Variants in PARD3 observed in about 807,000 individuals in gnomAD.
PARD3 encodes partitioning defective 3 homolog.
Under a neutral mutation model 155.4 loss-of-function variants are expected in PARD3, and 75 were observed. The ratio of observed to expected loss-of-function variants is 0.48; its 90% CI spans 0.40 to 0.58. PARD3 has a LOEUF of 0.58. Ranked by LOEUF, PARD3 falls within the 20% of genes least tolerant of loss-of-function variation. The probability of loss-of-function intolerance (pLI) is 0.00; values close to 1 mark genes in which losing one functional copy is unlikely to be tolerated. For missense variants in PARD3, 1,642 were observed against 1,721.7 expected (o/e 0.95, Z 0.82); for synonymous variants, 576 against 610.5 (o/e 0.94, Z 0.83).
At chr10:34,639,895 A>C (rs1174976942) in intron 2 of PARD3, among the ~76,000 whole-genome samples, 2 of 152,144 alleles carry the variant, frequency 1.3e-5, no homozygotes. Context: ...ACAGTAAAAG[A>C]GCAGATACCT....
At chr10:34,730,006 C>T (rs1468096610) in intron 1 of PARD3, among the ~76,000 whole-genome samples, 1 of 152,080 alleles carries the variant, frequency 6.6e-6, no homozygotes, top group Non-Finnish European at 1.5e-5. Flanking sequence ...GGTTTTATAG[C>T]CTGAACCAGA....
intron 1 of PARD3, among the ~76,000 whole-genome samples, chr10:34,773,142 T>G (rs550636336): frequency 6.6e-6 from 1 of 152,168 alleles, no homozygotes; most frequent in Non-Finnish European, 1.5e-5. Flanking sequence ...TCTCTTTACT[T>G]TGATGAGGAA....
chr10:34,137,095 C>CT (rs1164298165), intron 22 of PARD3, among the ~76,000 whole-genome samples: 2 of 152,090 alleles, frequency 1.3e-5, no homozygotes, highest in African/African-American at 2.4e-5. Context: ...CCCACACTTG[C>CT]TTTTTTTAAG....
intron 5 of PARD3, among the ~76,000 whole-genome samples, chr10:34,409,669 A>G (rs1844853150): frequency 6.6e-6 from 1 of 152,196 alleles, no homozygotes; most frequent in Non-Finnish European, 1.5e-5. Flanking sequence ...CTAGTGACCA[A>G]GTGGCCACCC....
chr10:34,551,810 G>C (rs1275911352), intron 2 of PARD3, among the ~76,000 whole-genome samples: 1 of 152,140 alleles, frequency 6.6e-6, no homozygotes, highest in African/African-American at 2.4e-5. Context: ...GCAGAGCATT[G>C]GATGACACCA....
intron 1 of PARD3, among the ~76,000 whole-genome samples, chr10:34,790,299 A>G (rs573441744): frequency 5.9e-5 from 9 of 152,192 alleles, no homozygotes; most frequent in South Asian, 2.1e-4. Flanking sequence ...TAATTTACCA[A>G]TCAGTCTGAT....
At chr10:34,147,893 G>A (rs886377168) in intron 22 of PARD3, among the ~76,000 whole-genome samples, 1 of 152,038 alleles carries the variant, frequency 6.6e-6, no homozygotes, top group East Asian at 1.9e-4. Flanking sequence ...AAGGAAGGGG[G>A]CAGTGCCAGC....
intron 5 of PARD3, among the ~76,000 whole-genome samples, chr10:34,420,947 C>G (rs2253179): frequency 0.86 from 130,430 of 152,208 alleles, 56,374 homozygotes; most frequent in African/African-American, 0.97. Context: ...AGGCCAAGGT[C>G]GGGGGGATTG....
intron 1 of PARD3, among the ~76,000 whole-genome samples, chr10:34,770,813 C>G (rs2134090664): frequency 6.6e-6 from 1 of 152,328 alleles, no homozygotes; most frequent in Admixed American, 6.5e-5. Flanking sequence ...AGACTCCAGA[C>G]AGGGATGTGC....
Position 34,674,001 on chromosome 10 carries a change from A to C in PARD3, c.222+22317T>G, listed in dbSNP as rs1318341961. Among the ~76,000 whole-genome samples the C allele has an allele frequency of 5.9e-5, 9 of 151,568 alleles. 1 individual carries two copies. Among genetic ancestry groups the C allele is most frequent in the Admixed American group, 5.9e-4 (9 of 15,186 alleles). On this transcript the variant is annotated intron_variant, in intron 2 of 24. Transcript: ENST00000374788. ...GTCTGCATCAAAAAAAAAAAAACAAACAAACAGGAGGAGAGTTCTAATTCC... is the reference window on the plus strand; with the variant it reads ...GTCTGCATCAAAAAAAAAAAAACAACCAAACAGGAGGAGAGTTCTAATTCC...
At chr10:34,540,662 T>G (rs1172562225) in intron 2 of PARD3, among the ~76,000 whole-genome samples, 1 of 152,052 alleles carries the variant, frequency 6.6e-6, no homozygotes, top group African/African-American at 2.4e-5. Flanking sequence ...TTGCCTGTAG[T>G]CTCAACTAGT....
chr10:34,403,335 G>C (rs183409046), intron 5 of PARD3, among the ~76,000 whole-genome samples: 1 of 152,118 alleles, frequency 6.6e-6, no homozygotes, highest in Admixed American at 6.6e-5. Context: ...ATCTATATTA[G>C]GACAGGAAGT....
rs1481833298 is a variant in PARD3, at chr10:34,261,821, GAAAGAAACAAAC to G, written c.3419+7824_3419+7835del. On this transcript the variant is annotated intron_variant, in intron 22 of 24. Coordinates refer to ENST00000374788, the MANE Select transcript of PARD3 (RefSeq NM_001184785.2). ...AGAAAGAAAGAAAGAAAGAAAGAAAGAAAGAAACAAACAAACAAACAAACACACACACACTGG... is the reference window on the plus strand; with the variant it reads ...AGAAAGAAAGAAAGAAAGAAAGAAAGAAACAAACAAACACACACACACTGG... Among the ~76,000 whole-genome samples the G allele has an allele frequency of 1.7e-4, 18 of 102,876 alleles. 1 individual carries two copies. The East Asian group carries it at 4.6e-3, about 26-fold the overall frequency. The allele number at this position is 102,876 out of a possible 152,430, so 67.5% of individuals were successfully genotyped here.
At chr10:34,402,011 A>C in intron 5 of PARD3, 94 bp from the exon 6 acceptor site, 1 of 949,794 alleles carries the variant, frequency 1.1e-6, no homozygotes, top group Non-Finnish European at 1.7e-6. Flanking sequence ...TCTAATAGGC[A>C]TTATGATCTT....
intron 22 of PARD3, among the ~76,000 whole-genome samples, chr10:34,214,787 T>C (rs1341863374): frequency 2.0e-5 from 3 of 152,176 alleles, no homozygotes; most frequent in Non-Finnish European, 4.4e-5. Flanking sequence ...AGAAGTGACA[T>C]TTTGAAGATA....
intron 22 of PARD3, among the ~76,000 whole-genome samples, chr10:34,261,288 T>C (rs923669825): frequency 6.6e-6 from 1 of 152,132 alleles, no homozygotes; most frequent in Non-Finnish European, 1.5e-5. Context: ...AAAAAAACAT[T>C]ATTGACCAGG....
intron 1 of PARD3, among the ~76,000 whole-genome samples, chr10:34,740,861 A>C (rs2094997144): frequency 6.6e-6 from 1 of 152,206 alleles, no homozygotes; most frequent in Admixed American, 6.5e-5. Context: ...ATTTTTTTTA[A>C]TGTGAAGCTT....
intron 2 of PARD3, among the ~76,000 whole-genome samples, chr10:34,670,622 G>A (rs1240751475): frequency 1.3e-5 from 2 of 152,142 alleles, no homozygotes; most frequent in Admixed American, 6.5e-5. Context: ...GGCATCTATG[G>A]GGTGGGATGT....
intron 22 of PARD3, among the ~76,000 whole-genome samples, chr10:34,199,637 A>G (rs1564475829): frequency 6.6e-6 from 1 of 152,120 alleles, no homozygotes; most frequent in Non-Finnish European, 1.5e-5. Context: ...ACCTGAATAA[A>G]AGCATGAATA....
Sources: allele counts gnomAD v4.1 joint callset (sites outside exome capture counted in the v4.1 genomes callset), GRCh38; gene constraint gnomAD v4.1.1; transcripts MANE v1.5; gene names NCBI Gene and HGNC (gene_info 2026-07-23, HGNC 2026-07-21).